ARHGAP32: variants seen among roughly 807,000 people sequenced by gnomAD.
ARHGAP32 encodes the protein rho GTPase-activating protein 32.
Under a neutral mutation model 186.5 loss-of-function variants are expected in ARHGAP32, and 51 were observed. That is an observed-to-expected ratio of 0.27 (90% CI 0.22 to 0.35). The LOEUF (loss-of-function observed/expected upper bound fraction) is 0.35. Among genes scored for constraint, ARHGAP32 ranks in the 10% least tolerant of loss-of-function variants. ARHGAP32 has a pLI of 1.00. For missense variants in ARHGAP32, 2,186 were observed against 2,623.5 expected (o/e 0.83, Z 3.64); for synonymous variants, 950 against 964.3 (o/e 0.99, Z 0.27).
At chr11:129,184,264 C>A (rs1291864668) in intron 1 of ARHGAP32, among the ~76,000 whole-genome samples, 2 of 152,032 alleles carry the variant, frequency 1.3e-5, no homozygotes, top group Non-Finnish European at 2.9e-5. Flanking sequence ...ATCATGGGGG[C>A]TACTGAAGAA....
intron 1 of ARHGAP32, among the ~76,000 whole-genome samples, chr11:129,176,846 C>A (rs533129198): frequency 2.0e-5 from 3 of 152,182 alleles, no homozygotes; most frequent in South Asian, 2.1e-4. Context: ...AAAGATCCAA[C>A]ATCGACACCC....
At chr11:129,163,775 A>G (rs943697701) in intron 2 of ARHGAP32, among the ~76,000 whole-genome samples, 3 of 152,198 alleles carry the variant, frequency 2.0e-5, no homozygotes, top group East Asian at 1.9e-4. Flanking sequence ...AAATCCTCCA[A>G]TGGTTTCCCA....
intron 1 of ARHGAP32, among the ~76,000 whole-genome samples, chr11:129,263,624 G>A (rs1180046726): frequency 1.3e-5 from 2 of 149,064 alleles, no homozygotes; most frequent in Admixed American, 6.7e-5. Flanking sequence ...CGGGGAGAGG[G>A]GGAGGGGAGA....
chr11:129,217,915 G>A (rs1364392117), intron 1 of ARHGAP32, among the ~76,000 whole-genome samples: 1 of 152,098 alleles, frequency 6.6e-6, no homozygotes, highest in East Asian at 1.9e-4. Context: ...CTTAACATAG[G>A]CCTCAATTTT....
chr11:129,193,726 A>ATATAATATATAT (rs1555111391), upstream of ARHGAP32, among the ~76,000 whole-genome samples: 5 of 85,708 alleles, frequency 5.8e-5, no homozygotes, highest in African/African-American at 2.2e-4. Context: ...ATTATATATT[A>ATATAATATATAT]TATATAATAT....
chr11:129,108,963 C>T (rs1942126927), intron 5 of ARHGAP32, among the ~76,000 whole-genome samples: 1 of 152,088 alleles, frequency 6.6e-6, no homozygotes, highest in African/African-American at 2.4e-5. Flanking sequence ...AATACACATA[C>T]ATGGTTGTTA....
At chr11:129,039,115 C>T (rs79864090) in intron 11 of ARHGAP32, among the ~76,000 whole-genome samples, 1,990 of 152,144 alleles carry the variant, frequency 0.013, 45 homozygotes, top group African/African-American at 0.045. Context: ...GGATATGGAG[C>T]AACTGGAAGT....
intron 1 of ARHGAP32, among the ~76,000 whole-genome samples, chr11:129,221,507 GTGTGTGTGTGTGTGTGTGTGTGTGTGTT>G (rs955646830): frequency 3.5e-5 from 5 of 143,334 alleles, no homozygotes; most frequent in Non-Finnish European, 4.6e-5. Flanking sequence ...GTGTGTGTGT[GTGTGTGTGTGTGTGTGTGTGTGTGTGTT>G]TATGGTAAAA....
chr11:129,153,960 G>A (rs1304805387), intron 2 of ARHGAP32, among the ~76,000 whole-genome samples: 1 of 151,988 alleles, frequency 6.6e-6, no homozygotes, highest in Non-Finnish European at 1.5e-5. Flanking sequence ...AACAGAATGG[G>A]TGAAAATATT....
At chr11:129,247,727 T>TA (rs1168169500) in intron 1 of ARHGAP32, among the ~76,000 whole-genome samples, 3 of 152,012 alleles carry the variant, frequency 2.0e-5, no homozygotes, top group Admixed American at 6.5e-5. Context: ...GTTTTCAGGA[T>TA]AAAAAAAACT....
chr11:129,020,837 T>G (rs764617106), intron 11 of ARHGAP32, among the ~76,000 whole-genome samples: 2 of 152,056 alleles, frequency 1.3e-5, no homozygotes, highest in Non-Finnish European at 2.9e-5. Flanking sequence ...AAAGCTATTG[T>G]AGAGTAGGAA....
intron 1 of ARHGAP32, among the ~76,000 whole-genome samples, chr11:129,244,802 A>G (rs1452981343): frequency 6.6e-6 from 1 of 152,328 alleles, no homozygotes; most frequent in East Asian, 1.9e-4. Flanking sequence ...ATAAACAGAC[A>G]CTTCTCAAAA....
chr11:129,067,054 C>T (rs1310222901), intron 6 of ARHGAP32, among the ~76,000 whole-genome samples, 186 bp from the exon 7 acceptor site: 2 of 151,748 alleles, frequency 1.3e-5, no homozygotes, highest in Non-Finnish European at 2.9e-5. Flanking sequence ...CATTAAAAGG[C>T]CAATAATTGA....
chr11:129,108,035 A>C (rs1026651057), intron 5 of ARHGAP32, among the ~76,000 whole-genome samples: 2 of 152,138 alleles, frequency 1.3e-5, no homozygotes, highest in Non-Finnish European at 2.9e-5. Flanking sequence ...TGAGAAGAGA[A>C]TCAAAATGTC....
chr11:129,244,686 G>T (rs899221295), intron 1 of ARHGAP32, among the ~76,000 whole-genome samples: 5 of 151,626 alleles, frequency 3.3e-5, no homozygotes, highest in Admixed American at 6.6e-5. Context: ...GAAAATTTTC[G>T]CAACCTACTC....
chr11:129,164,473 A>T (rs765536284), intron 1 of ARHGAP32, 46 bp from the exon 2 acceptor site: 2 of 1,119,884 alleles, frequency 1.8e-6, no homozygotes, highest in Non-Finnish European at 2.6e-6. Context: ...TTCCAATTCT[A>T]TGAAAGCCTT....
intron 2 of ARHGAP32, among the ~76,000 whole-genome samples, chr11:129,153,643 A>G (rs957635640): frequency 2.6e-5 from 4 of 152,090 alleles, no homozygotes; most frequent in African/African-American, 9.6e-5. Context: ...GGTAAGGGAT[A>G]CCTATTCAAC....
In ARHGAP32 at chr11:129,064,830, T is replaced by C; in HGVS notation, c.762+11A>G. The C allele has an allele frequency of 6.4e-7, 1 of 1,566,470 alleles. No homozygotes were observed. The highest frequency in any genetic ancestry group is 8.7e-7 in the Non-Finnish European group (1 of 1,154,344). On this transcript the variant is annotated intron_variant, in intron 8 of 22. Transcript: ENST00000682385. ...ATATACATTTTTCATGAAAAGTGAA[T>C]TAGGAAATACCTCCATCCAGGTAAG...
chr11:128,970,038 G>T lies in ARHGAP32; in HGVS notation c.5175C>A (p.Pro1725=). ...AGAAATAGCCAGTCACGTTGGCCCG[G>T]GGACGTGGAGCCAAACCAGCATAAC... ...LYSYAGLAPR[P]RANVTGYFSP... The change falls in exon 23 of 23, where the codon CCC becomes CCA. Residue 1725 remains proline, a synonymous_variant. Coordinates refer to ENST00000682385, the MANE Select transcript of ARHGAP32 (RefSeq NM_001378024.1). This position sits in a 1 kb window ranked among gnomAD's most constrained non-coding sequence, Gnocchi z 5.8. 1 of 1,614,170 alleles carries T rather than the reference G, an allele frequency of 6.2e-7. No homozygotes were observed. The highest frequency in any genetic ancestry group is 1.1e-5 in the South Asian group (1 of 91,084).
Sources: gnomAD v4.1 joint callset for allele counts (sites outside exome capture counted in the v4.1 genomes callset) on GRCh38, gnomAD v4.1.1 for gene constraint, Gnocchi (gnomAD v3.1) non-coding constraint, MANE v1.5 for transcripts, NCBI Gene and HGNC (gene_info 2026-07-23, HGNC 2026-07-21) for gene names.